Variants in PSG11 observed in about 807,000 individuals in gnomAD.
PSG11 encodes pregnancy specific beta-1-glycoprotein 11, also known as pregnancy-specific beta-1-glycoprotein 11.
A neutral mutation model predicts 36.0 loss-of-function variants in PSG11; 42 were observed. That is an observed-to-expected ratio of 1.17 (90% CI 0.91 to 1.51). The LOEUF is 1.51. PSG11 is among the 40% of genes most tolerant of loss of function. PSG11 has a pLI of 0.00. For missense variants in PSG11, 558 were observed against 403.5 expected (o/e 1.38, Z -3.28); for synonymous variants, 206 against 153.5 (o/e 1.34, Z -2.53).
chr19:43,012,549 C>A (rs550567832), intron 4 of PSG11, among the ~76,000 whole-genome samples: 6 of 139,192 alleles, frequency 4.3e-5, no homozygotes, highest in Admixed American at 1.5e-4. Flanking sequence ...TTATATTAAC[C>A]TCAAAAAGAA....
At chr19:43,026,139 C>G (rs1268237889) in intron 1 of PSG11, among the ~76,000 whole-genome samples, 170 bp downstream of exon 1, 1 of 150,074 alleles carries the variant, frequency 6.7e-6, no homozygotes, top group Non-Finnish European at 1.5e-5. Flanking sequence ...GACAGGGCTT[C>G]ACTCTGTTGG....
At chr19:43,021,100 C>T (rs1023056299) in intron 2 of PSG11, among the ~76,000 whole-genome samples, 1 of 151,418 alleles carries the variant, frequency 6.6e-6, no homozygotes, top group Non-Finnish European at 1.5e-5. Flanking sequence ...TCCCCAAAAC[C>T]ACCAGTATTC....
In PSG11 at chr19:43,025,143, C is replaced by G. The variant is rs1967209314; in HGVS notation, c.65-87G>C. The G allele has an allele frequency of 1.3e-6, 2 of 1,488,662 alleles. 1 individual carries two copies. Among genetic ancestry groups the G allele is most frequent in the South Asian group, 2.6e-5 (2 of 76,066 alleles). 92.2% of individuals were successfully genotyped at this position (1,488,662 alleles called of 1,614,324 possible). ...GCCCTGAGTCCTGAGAAGGTCTCTT[C>G]AATCCTCAGCCTTGAAGACACACAC... On this transcript the variant is annotated intron_variant, in intron 1 of 5. Coordinates refer to ENST00000320078, the MANE Select transcript of PSG11 (RefSeq NM_002785.3).
At chr19:43,019,250 G>A (rs1189998254) in intron 2 of PSG11, 5 of 1,175,154 alleles carry the variant, frequency 4.3e-6, no homozygotes, top group South Asian at 3.3e-5. Context: ...TGTGGGAGAA[G>A]CACAGACTTT....
rs1055242546 is a variant in PSG11, at chr19:43,023,186, G to T, written c.430+1505C>A. On this transcript the variant is annotated intron_variant, in intron 2 of 5. Coordinates refer to ENST00000320078, the MANE Select transcript of PSG11 (RefSeq NM_002785.3). ...GCTTTAGGGGCAAGAGGTAGTGGGGGGATGAAACATGGGTGTCAGCCTCTG... is the reference window on the plus strand; with the variant it reads ...GCTTTAGGGGCAAGAGGTAGTGGGGTGATGAAACATGGGTGTCAGCCTCTG... 1.3e-5 allele frequency among the ~76,000 whole-genome samples: 2 copies of T among 150,370 alleles called. 1 individual carries two copies. Among genetic ancestry groups the T allele is most frequent in the East Asian group, 3.9e-4 (2 of 5,092 alleles).
chr19:43,018,296 A>T (rs775825972), intron 3 of PSG11: 1 of 226,942 alleles, frequency 4.4e-6, no homozygotes, highest in Non-Finnish European at 8.8e-6. Flanking sequence ...TGTCTATGAG[A>T]CAGGAGAGCT....
rs778754122 is a variant in PSG11 at position 43,024,809 on chromosome 19, A to G, written c.312T>C (p.Asn104=). ...TGACATTCTGGATCAGCAGGGATGC[A>G]TTGGAATATACTGTTTCTCGTCCAC... is the stretch of plus-strand genomic sequence containing the variant. ...AYSGRETVYS[N]ASLLIQNVTR... The change falls in exon 2 of 6, where the codon AAT becomes AAC. Residue 104 remains asparagine, a synonymous_variant. Coordinates refer to ENST00000320078, the MANE Select transcript of PSG11 (RefSeq NM_002785.3). 7 of 1,612,012 alleles carry G rather than the reference A, an allele frequency of 4.3e-6. No homozygotes were observed. Among genetic ancestry groups the G allele is most frequent in the East Asian group, 2.2e-5 (1 of 44,808 alleles).
At chr19:43,018,527 C>T (rs891289973) in intron 3 of PSG11, 2 of 921,634 alleles carry the variant, frequency 2.2e-6, no homozygotes, top group African/African-American at 3.4e-5. Flanking sequence ...GAGACATTCA[C>T]CTGTTTCTCC....
chr19:43,020,657 A>C (rs1471525231), intron 2 of PSG11, among the ~76,000 whole-genome samples: 1 of 151,418 alleles, frequency 6.6e-6, no homozygotes, highest in East Asian at 1.9e-4. Flanking sequence ...TTATGCTCAA[A>C]GAAAGATGCC....
In PSG11 at chr19:43,018,874, A is replaced by G; in HGVS notation, c.605T>C (p.Leu202Pro). Reference sequence around the variant, plus strand: ...ATACTTTGTGACACCAAATAGAAAGAGGGTCCTGTTGGTTTCAGACAGCTG... The same window carrying G: ...ATACTTTGTGACACCAAATAGAAAGGGGGTCCTGTTGGTTTCAGACAGCTG... ...RMQLSETNRT[L>P]FLFGVTKYTA... The change falls in exon 3 of 6, where the codon CTC becomes CCC. Residue 202 changes from leucine to proline, a missense_variant. Leu to Pro is a moderately conservative substitution (Grantham distance 98, BLOSUM62 -3). Coordinates refer to ENST00000320078, the MANE Select transcript of PSG11 (RefSeq NM_002785.3). 6.2e-7 allele frequency: 1 copy of G among 1,612,096 alleles called. No individual in the cohort carries two copies. The highest frequency in any genetic ancestry group is 8.5e-7 in the Non-Finnish European group (1 of 1,179,072).
intron 5 of PSG11, 91 bp from the exon 6 acceptor site, chr19:43,008,133 A>C (rs1973976637): frequency 1.3e-5 from 4 of 314,702 alleles, no homozygotes; most frequent in East Asian, 4.6e-5. Context: ...AAGATTTAAA[A>C]TGACTATGTT....
chr19:43,025,616 G>A (rs1236933153), intron 1 of PSG11, among the ~76,000 whole-genome samples: 1 of 150,034 alleles, frequency 6.7e-6, no homozygotes, highest in Non-Finnish European at 1.5e-5. Flanking sequence ...GCAGACTCCT[G>A]TAGATGTGAG....
rs553800921 is a variant in PSG11 at position 43,016,231 on chromosome 19, G to T, written c.710-861C>A. Among the ~76,000 whole-genome samples, 130 of 151,446 alleles carry T rather than the reference G, an allele frequency of 8.6e-4. 6 individuals carry two copies. Among genetic ancestry groups the T allele is most frequent in the African/African-American group, 3.0e-3 (123 of 41,112 alleles). The stretch of plus-strand genomic sequence containing the variant: ...GGGCTCAAAGACTGTGAGGCCGCCT[G>T]CTTCATCTTAGGAAAGCACAGACTT... On this transcript the variant is annotated intron_variant, in intron 3 of 5. Coordinates refer to ENST00000320078, the MANE Select transcript of PSG11 (RefSeq NM_002785.3).
chr19:43,010,538 C>G (rs1974047787), intron 4 of PSG11: 6 of 598,372 alleles, frequency 1.0e-5, no homozygotes, highest in Middle Eastern at 5.3e-4. Context: ...GCCTAGTTCT[C>G]TGAGGCTCTC....
rs574678596 is a variant in PSG11 at position 43,024,998 on chromosome 19, C to T, written c.123G>A (p.Gln41=). The change falls in exon 2 of 6, where the codon CAG becomes CAA. Residue 41 remains glutamine (Q), a synonymous_variant. Coordinates refer to ENST00000320078, the MANE Select transcript of PSG11 (RefSeq NM_002785.3). ...CCTTCCCCTCGGACACTTTGGGTGG[C>T]TGGGCTTCAATCATGACTTGGGCAG... is the stretch of plus-strand genomic sequence containing the variant. ...PTTAQVMIEA[Q]PPKVSEGKDV... is the part of the protein sequence containing the mutation. 5 of 1,611,114 alleles carry T rather than the reference C, an allele frequency of 3.1e-6. No individual in the cohort carries two copies. The highest frequency in any genetic ancestry group is 2.7e-5 in the African/African-American group (2 of 74,352).
intron 3 of PSG11, chr19:43,015,630 A>C (rs1277117373): frequency 6.8e-7 from 1 of 1,479,928 alleles, no homozygotes. Context: ...AAGTTTTCCC[A>C]GGGCAGGGAG....
intron 2 of PSG11, among the ~76,000 whole-genome samples, chr19:43,021,186 A>C (rs1228553736): frequency 1.3e-5 from 2 of 151,390 alleles, no homozygotes; most frequent in Non-Finnish European, 2.9e-5. Context: ...TCAAAACAAA[A>C]TATTAAATAT....
intron 2 of PSG11, 77 bp from the exon 3 acceptor site, chr19:43,019,125 G>A (rs1967041640): frequency 1.0e-5 from 16 of 1,564,394 alleles, no homozygotes; most frequent in Admixed American, 1.8e-5. Context: ...ATCAGAATTG[G>A]CATTTGCCAC....
chr19:43,015,889 G>A, intron 3 of PSG11: 1 of 1,609,964 alleles, frequency 6.2e-7, no homozygotes, highest in Non-Finnish European at 8.5e-7. Flanking sequence ...GTTTTCAATG[G>A]GTCGCTTTAC....
Sources: allele counts gnomAD v4.1 joint callset (sites outside exome capture counted in the v4.1 genomes callset), GRCh38; gene constraint gnomAD v4.1.1; transcripts MANE v1.5; gene names NCBI Gene and HGNC (gene_info 2026-07-23, HGNC 2026-07-21).